The following RNF157 variants were observed in gnomAD, a reference collection of about 807,000 sequenced individuals.
The protein encoded by RNF157 is ring finger protein 157.
RNF157 carries 55 observed loss-of-function variants against 88.3 expected under a neutral mutation model. The ratio of observed to expected loss-of-function variants is 0.62; its 90% CI spans 0.50 to 0.78. The LOEUF (loss-of-function observed/expected upper bound fraction) is 0.78, where lower values mean the gene tolerates loss of function less well. Among genes scored for constraint, RNF157 ranks in the 30% least tolerant of loss-of-function variants. The probability of loss-of-function intolerance (pLI) is 0.00; values close to 1 mark genes in which losing one functional copy is unlikely to be tolerated. For missense variants in RNF157, 788 were observed against 860.8 expected, an observed-to-expected ratio of 0.92 and a Z score of 1.06; for synonymous variants, 334 against 341.2, an observed-to-expected ratio of 0.98 and a Z score of 0.23.
Position 76,166,504 on chromosome 17 carries a change from T to C in RNF157, c.585A>G (p.Glu195=). ...CGGCATGTACCACTAGAGGGTAAAC[T>C]TCTCGGTCTAAATCAAAGCCAAGCT... ...EEELGFDLDR[E]VYPLVVHAVV... is the part of the protein sequence containing the mutation. The change falls in exon 6 of 19, where the codon GAA becomes GAG. Residue 195 remains glutamate (E), a synonymous_variant. Coordinates refer to ENST00000269391, the MANE Select transcript of RNF157 (RefSeq NM_052916.3). 6.2e-7 allele frequency: 1 copy of C among 1,613,928 alleles called. No individual in the cohort carries two copies. The highest frequency in any genetic ancestry group is 8.5e-7 in the Non-Finnish European group (1 of 1,179,958).
intron 2 of RNF157, among the ~76,000 whole-genome samples, chr17:76,194,912 G>A (rs929391786): frequency 3.3e-5 from 5 of 152,118 alleles, no homozygotes; most frequent in Non-Finnish European, 7.4e-5. Flanking sequence ...CTACTCAGGA[G>A]GCTGAGGCAG....
intron 16 of RNF157, chr17:76,154,779 T>C (rs2144811938): frequency 8.7e-6 from 2 of 231,164 alleles, no homozygotes; most frequent in East Asian, 2.3e-4. Context: ...CAGCACACCA[T>C]GGTCAGGGCA....
intron 2 of RNF157, among the ~76,000 whole-genome samples, chr17:76,185,471 C>CTCTCTTTTTTTTTT: frequency 3.5e-4 from 51 of 144,446 alleles, no homozygotes; most frequent in African/African-American, 1.0e-3. Flanking sequence ...GAGATTAGTC[C>CTCTCTTTTTTTTTT]TTTCTTTTTT....
intron 1 of RNF157, among the ~76,000 whole-genome samples, chr17:76,230,888 GAGAGAA>G (rs1363366710): frequency 7.3e-6 from 1 of 137,046 alleles, no homozygotes; most frequent in African/African-American, 2.8e-5. Context: ...GAAAGAGAAA[GAGAGAA>G]AGAGAGAGAG....
chr17:76,205,656 C>T (rs1034894196), intron 2 of RNF157, among the ~76,000 whole-genome samples: 1 of 151,942 alleles, frequency 6.6e-6, no homozygotes, highest in Admixed American at 6.6e-5. Flanking sequence ...ACCTGGGAAG[C>T]AGAGGTTGCA....
intron 14 of RNF157, 144 bp from the exon 15 acceptor site, chr17:76,155,878 G>T: frequency 1.4e-6 from 1 of 739,110 alleles, no homozygotes; most frequent in Non-Finnish European, 2.1e-6. Context: ...GTGGTTTTAG[G>T]TTTATGGTTT....
chr17:76,149,222 C>A (rs995353837), intron 18 of RNF157, among the ~76,000 whole-genome samples: 1 of 151,932 alleles, frequency 6.6e-6, no homozygotes, highest in Non-Finnish European at 1.5e-5. Context: ...GTGGTGAGGA[C>A]GGGAACCAAC....
chr17:76,159,389 T>A lies in RNF157; in HGVS notation c.1250A>T (p.Asp417Val). ...CTGACTGCTGCTGTCAGACAGGCGG[T>A]CAAGAGGCGAGATCGTCCTGACGGG... Reference protein sequence around the residue: ...LPPVRTISPLDRLSDSSSQGL... With the variant: ...LPPVRTISPLVRLSDSSSQGL... Residue 417 changes from aspartate to valine, a missense_variant, in exon 12 of 19, where the codon GAC becomes GTC. Coordinates refer to ENST00000269391, the MANE Select transcript of RNF157 (RefSeq NM_052916.3). The A allele has an allele frequency of 1.2e-6, 2 of 1,613,226 alleles. No individual in the cohort carries two copies. Among genetic ancestry groups the A allele is most frequent in the Non-Finnish European group, 1.7e-6 (2 of 1,179,780 alleles).
chr17:76,204,871 G>T (rs1356356086), intron 2 of RNF157, among the ~76,000 whole-genome samples: 3 of 150,042 alleles, frequency 2.0e-5, no homozygotes, highest in African/African-American at 7.4e-5. Flanking sequence ...TGAAACCTGT[G>T]CATCCTGGGT....
intron 18 of RNF157, chr17:76,147,395 C>T (rs1454508846): frequency 6.3e-6 from 6 of 957,064 alleles, no homozygotes; most frequent in Admixed American, 6.2e-5. Flanking sequence ...AGCACCACCA[C>T]CACCACCGCC....
rs2068544971 is a variant in RNF157, at chr17:76,143,631, G to A, written c.*1604C>T. ...GGACGACAGGCCCCCCTCTCCATCA[G>A]GGCAGGATGTGAGCCACAACCACTA... On this transcript the variant is annotated 3_prime_UTR_variant, in exon 19 of 19. Coordinates refer to ENST00000269391, the MANE Select transcript of RNF157 (RefSeq NM_052916.3). The A allele has an allele frequency of 6.6e-6, 1 of 152,290 alleles. No individual in the cohort carries two copies. Among genetic ancestry groups the A allele is most frequent in the Non-Finnish European group, 1.5e-5 (1 of 68,020 alleles). The allele number at this position is 152,290 out of a possible 1,614,324, so 9.4% of individuals were successfully genotyped here.
chr17:76,190,415 C>T (rs539876976), intron 2 of RNF157, among the ~76,000 whole-genome samples: 3 of 152,088 alleles, frequency 2.0e-5, no homozygotes, highest in African/African-American at 7.2e-5. Context: ...GATCTGCCTG[C>T]CTCAGCTTCC....
At chr17:76,209,082 G>C (rs1422028821) in intron 2 of RNF157, among the ~76,000 whole-genome samples, 1 of 149,620 alleles carries the variant, frequency 6.7e-6, no homozygotes, top group East Asian at 1.9e-4. Flanking sequence ...TTTTTTTTAA[G>C]TGGCATTTAT....
chr17:76,212,541 T>A (rs1176269163), intron 1 of RNF157, 59 bp from the exon 2 acceptor site: 7 of 880,660 alleles, frequency 7.9e-6, no homozygotes, highest in Admixed American at 4.7e-5. Flanking sequence ...CTAAATCTAG[T>A]AAAAAAAAAA....
At chr17:76,169,691 C>T (rs576194647) in intron 3 of RNF157, among the ~76,000 whole-genome samples, 25 of 151,180 alleles carry the variant, frequency 1.7e-4, no homozygotes, top group African/African-American at 5.8e-4. Flanking sequence ...GTGATTCTCC[C>T]GTCTCAGCCT....
At position 76,176,239 on chromosome 17, in the gene RNF157, T is replaced by C. The variant is rs1281413371; in HGVS notation, c.208-2449A>G. Among the ~76,000 whole-genome samples the C allele has an allele frequency of 2.0e-5, 3 of 152,182 alleles. No homozygotes were observed. Among genetic ancestry groups the C allele is most frequent in the East Asian group, 1.9e-4 (1 of 5,198 alleles). On this transcript the variant is annotated intron_variant, in intron 2 of 18. Transcript: ENST00000269391. This position sits in a 1 kb window ranked among gnomAD's most constrained non-coding sequence, Gnocchi z 4.2. ...ATTGTAATATCAAAGAGATTAAATA[T>C]ATGGATATTTTTTTGCCACAAAAGG...
intron 8 of RNF157, chr17:76,163,190 C>CTTTTTTTTTT (rs35564567): frequency 8.2e-6 from 1 of 121,386 alleles, no homozygotes; most frequent in Non-Finnish European, 1.7e-5. Flanking sequence ...GCCCTGTTTC[C>CTTTTTTTTTT]TTTTTTTTTT....
At position 76,226,022 on chromosome 17, in the gene RNF157, T is replaced by C; in HGVS notation, c.89-13540A>G. On this transcript the variant is annotated intron_variant, in intron 1 of 18. Transcript: ENST00000269391. The stretch of plus-strand genomic sequence containing the variant: ...TGCTACCATCTTCTCTCCAGGAGGA[T>C]CGTAAGGTTTGGGGTGGGCAGACCC... The C allele has an allele frequency of 3.7e-6, 6 of 1,611,412 alleles. No homozygotes were observed. In the South Asian group the frequency reaches 5.5e-5, roughly 15 times the overall value.
At chr17:76,178,184 T>C (rs960268771) in intron 2 of RNF157, among the ~76,000 whole-genome samples, 1 of 152,212 alleles carries the variant, frequency 6.6e-6, no homozygotes, top group Non-Finnish European at 1.5e-5. Flanking sequence ...AGAGAAGAGC[T>C]GTGGCCCGTC....
Sources: allele counts gnomAD v4.1 joint callset (sites outside exome capture counted in the v4.1 genomes callset), GRCh38; gene constraint gnomAD v4.1.1; non-coding constraint Gnocchi (gnomAD v3.1); transcripts MANE v1.5; gene names NCBI Gene and HGNC (gene_info 2026-07-23, HGNC 2026-07-21).